SAMD4A: variants seen among roughly 807,000 people sequenced by gnomAD.
SAMD4A encodes the protein sterile alpha motif domain containing 4A.
A neutral mutation model predicts 81.3 loss-of-function variants in SAMD4A; 33 were observed. The ratio of observed to expected loss-of-function variants is 0.41; its 90% CI spans 0.31 to 0.54. The LOEUF is 0.54. SAMD4A is among the 20% of genes least tolerant of loss of function. The pLI is 0.37. For synonymous variants in SAMD4A, 389 were observed against 382.1 expected, an observed-to-expected ratio of 1.02 and a Z score of -0.21; for missense variants, 854 against 951.1, an observed-to-expected ratio of 0.90 and a Z score of 1.34.
At chr14:54,568,744 G>T (rs2033040120) in intron 2 of SAMD4A, among the ~76,000 whole-genome samples, 2 of 114,484 alleles carry the variant, frequency 1.7e-5, no homozygotes, top group Admixed American at 1.0e-4. Flanking sequence ...TATATATAAT[G>T]CGGTTAAGCT....
Position 54,702,321 on chromosome 14 carries a change from C to A in SAMD4A, c.456C>A (p.Asp152Glu). ...CCATGTGGCTGAATCACTTGGAGGA[C>A]CGCACGTCGACCAGCTTTGGTGGCC... ...ALAMWLNHLEDRTSTSFGGQN... is the reference protein window; with the variant it reads ...ALAMWLNHLEERTSTSFGGQN... The change falls in exon 3 of 13, where the codon GAC becomes GAA. Residue 152 changes from aspartate (D) to glutamate (E), a missense_variant. Asp to Glu is a conservative substitution (Grantham distance 45, BLOSUM62 2). Around this residue, in one of 3 missense-constraint regions of SAMD4A, gnomAD observed 387 missense variants for 405.8 expected, o/e 0.95. Coordinates refer to ENST00000554335, the MANE Select transcript of SAMD4A (RefSeq NM_015589.6). 1.2e-6 allele frequency: 2 copies of A among 1,613,274 alleles called. No individual in the cohort carries two copies. Among genetic ancestry groups the A allele is most frequent in the Middle Eastern group, 1.6e-4 (1 of 6,062 alleles).
At chr14:54,744,501 G>A (rs1018759371) in intron 4 of SAMD4A, among the ~76,000 whole-genome samples, 2 of 152,170 alleles carry the variant, frequency 1.3e-5, no homozygotes, top group Admixed American at 6.5e-5. Flanking sequence ...GGCAAATATA[G>A]AACATATACA....
intron 4 of SAMD4A, among the ~76,000 whole-genome samples, chr14:54,745,481 A>G (rs919657910): frequency 2.6e-5 from 4 of 152,140 alleles, no homozygotes; most frequent in Non-Finnish European, 5.9e-5. Context: ...GCAAACCAAA[A>G]GGCTCATCGT....
At chr14:54,600,509 A>T (rs1248872181) in intron 2 of SAMD4A, among the ~76,000 whole-genome samples, 1 of 152,196 alleles carries the variant, frequency 6.6e-6, no homozygotes, top group Non-Finnish European at 1.5e-5. Flanking sequence ...CTGGAACTAC[A>T]CTGCAGTGTC....
At chr14:54,621,514 T>A (rs896760645) in intron 2 of SAMD4A, among the ~76,000 whole-genome samples, 4 of 141,536 alleles carry the variant, frequency 2.8e-5, no homozygotes, top group South Asian at 4.4e-4. Flanking sequence ...CATGCCCAAA[T>A]AATTTTTTTT....
intron 2 of SAMD4A, among the ~76,000 whole-genome samples, chr14:54,650,908 C>G (rs2035389751): frequency 6.6e-6 from 1 of 152,150 alleles, no homozygotes; most frequent in African/African-American, 2.4e-5. Flanking sequence ...TTCATCCCTA[C>G]CGAGGTCTCC....
At position 54,702,370 on chromosome 14, in the gene SAMD4A, G is replaced by C. The variant is rs771934176; in HGVS notation, c.505G>C (p.Val169Leu). 3.7e-6 allele frequency: 6 copies of C among 1,614,186 alleles called. No individual in the cohort carries two copies. The highest frequency in any genetic ancestry group is 3.3e-4 in the Middle Eastern group (2 of 6,062). ...CCAGAACCGAGGCCGCTCAGACTCT[G>C]TGGATTATGGACAGACACACTACTA... ...GGQNRGRSDS[V>L]DYGQTHYYHQ... Residue 169 changes from valine to leucine, a missense_variant, in exon 3 of 13, where the codon GTG becomes CTG. Coordinates refer to ENST00000554335, the MANE Select transcript of SAMD4A (RefSeq NM_015589.6).
At chr14:54,651,981 G>C (rs1162109018) in intron 2 of SAMD4A, among the ~76,000 whole-genome samples, 1 of 152,228 alleles carries the variant, frequency 6.6e-6, no homozygotes, top group Non-Finnish European at 1.5e-5. Flanking sequence ...TCTTTTCCAA[G>C]GGAGGGTTTA....
chr14:54,771,897 G>A (rs550429477), intron 9 of SAMD4A, among the ~76,000 whole-genome samples: 2 of 152,314 alleles, frequency 1.3e-5, no homozygotes, highest in African/African-American at 4.8e-5. Context: ...CAGGGGACAT[G>A]AACCTTGACC....
At chr14:54,683,846 T>C (rs1004592907) in intron 2 of SAMD4A, among the ~76,000 whole-genome samples, 1 of 152,148 alleles carries the variant, frequency 6.6e-6, no homozygotes, top group Admixed American at 6.5e-5. Context: ...GGTAGATATA[T>C]GAGATCATCC....
intron 2 of SAMD4A, among the ~76,000 whole-genome samples, chr14:54,651,597 A>G (rs2035404986): frequency 6.6e-6 from 1 of 152,216 alleles, no homozygotes; most frequent in Non-Finnish European, 1.5e-5. Context: ...ACTAGTAAAT[A>G]TGCACTACCC....
At chr14:54,771,221 G>A (rs998197528) in intron 9 of SAMD4A, among the ~76,000 whole-genome samples, 5 of 152,064 alleles carry the variant, frequency 3.3e-5, no homozygotes, top group Admixed American at 1.3e-4. Flanking sequence ...CATATATAAC[G>A]GTTATTTATT....
intron 2 of SAMD4A, chr14:54,689,589 T>C (rs964292841): frequency 6.6e-6 from 1 of 152,244 alleles, no homozygotes; most frequent in Non-Finnish European, 1.5e-5. Flanking sequence ...TGTGCTCTCA[T>C]TCCCCACGCC....
chr14:54,730,198 C>T (rs1304852323), intron 3 of SAMD4A, among the ~76,000 whole-genome samples: 2 of 152,212 alleles, frequency 1.3e-5, no homozygotes, highest in Non-Finnish European at 2.9e-5. Flanking sequence ...GACAAGGACT[C>T]ACGGTACTAG....
intron 2 of SAMD4A, among the ~76,000 whole-genome samples, chr14:54,658,809 C>CA (rs2140456053): frequency 6.6e-6 from 1 of 152,348 alleles, no homozygotes; most frequent in Admixed American, 6.5e-5. Flanking sequence ...CCTTACTCTT[C>CA]ACCCTCTTGC....
intron 2 of SAMD4A, among the ~76,000 whole-genome samples, chr14:54,645,288 A>G (rs142910478): frequency 3.9e-4 from 60 of 152,312 alleles, no homozygotes; most frequent in Non-Finnish European, 7.9e-4. Context: ...CAATATGGTA[A>G]GATCCTATCG....
At chr14:54,774,831 A>G in intron 9 of SAMD4A, 103 bp from the exon 10 acceptor site, 3 of 1,042,716 alleles carry the variant, frequency 2.9e-6, no homozygotes, top group Non-Finnish European at 4.1e-6. Context: ...AAAAAAAAAA[A>G]AAAATGAGGA....
chr14:54,742,932 C>T (rs1466206562), intron 4 of SAMD4A, among the ~76,000 whole-genome samples: 1 of 152,188 alleles, frequency 6.6e-6, no homozygotes, highest in African/African-American at 2.4e-5. Context: ...AAAACTTTTT[C>T]TCTCTGTAGT....
chr14:54,668,382 T>A (rs186811590), intron 2 of SAMD4A, among the ~76,000 whole-genome samples: 101 of 152,258 alleles, frequency 6.6e-4, no homozygotes, highest in Non-Finnish European at 1.3e-3. Flanking sequence ...ATAGAATCGC[T>A]CAGATGGCAT....
Sources: allele counts gnomAD v4.1 joint callset (sites outside exome capture counted in the v4.1 genomes callset), GRCh38; gene constraint gnomAD v4.1.1; regional missense constraint gnomAD v4.1.1; transcripts MANE v1.5; gene names NCBI Gene and HGNC (gene_info 2026-07-23, HGNC 2026-07-21).